The following SLC22A24 variants were observed in gnomAD, a reference collection of about 807,000 sequenced individuals.
SLC22A24 encodes steroid transmembrane transporter SLC22A24.
In SLC22A24, 53 loss-of-function variants were observed where a neutral mutation model predicts 49.8. That is an observed-to-expected ratio of 1.06 (90% confidence interval 0.85 to 1.34). The LOEUF (loss-of-function observed/expected upper bound fraction) is 1.34. SLC22A24 is among the 40% of genes most tolerant of loss of function. The pLI is 0.00. For synonymous variants in SLC22A24, 302 were observed against 256.4 expected (o/e 1.18, Z -1.70); for missense variants, 786 against 675.9 (o/e 1.16, Z -1.81).
chr11:63,093,961 C>T (rs895964028), intron 6 of SLC22A24, among the ~76,000 whole-genome samples: 1 of 136,650 alleles, frequency 7.3e-6, no homozygotes, highest in Non-Finnish European at 1.6e-5. Flanking sequence ...TATGGAACAA[C>T]CAAAATTCTT....
intron 4 of SLC22A24, among the ~76,000 whole-genome samples, chr11:63,113,845 C>A (rs1251718766): frequency 2.1e-5 from 3 of 140,888 alleles, no homozygotes. Flanking sequence ...CAGCGTGAGA[C>A]TCCATCTCAA....
chr11:63,128,481 G>C (rs902355972), intron 2 of SLC22A24, among the ~76,000 whole-genome samples: 1 of 152,126 alleles, frequency 6.6e-6, no homozygotes, highest in East Asian at 1.9e-4. Context: ...ACATCAGTCA[G>C]GCCCACCTGC....
intron 2 of SLC22A24, among the ~76,000 whole-genome samples, chr11:63,133,124 C>A (rs576994921): frequency 6.0e-4 from 92 of 152,310 alleles, no homozygotes; most frequent in Admixed American, 2.4e-3. Flanking sequence ...CCGAGCCAGG[C>A]ATGCGAGGGA....
chr11:63,117,360 AGTTAG>A (rs1211529039), intron 4 of SLC22A24, among the ~76,000 whole-genome samples: 1 of 152,160 alleles, frequency 6.6e-6, no homozygotes, highest in Non-Finnish European at 1.5e-5. Flanking sequence ...TCAGCTATTA[AGTTAG>A]TTGTCTGCAA....
At chr11:63,093,941 A>G (rs181479280) in intron 6 of SLC22A24, among the ~76,000 whole-genome samples, 1 of 151,808 alleles carries the variant, frequency 6.6e-6, no homozygotes, top group Admixed American at 6.6e-5. Flanking sequence ...AATAAGTCAT[A>G]TTGGCAAAAT....
At chr11:63,096,912 G>T (rs180725574) in intron 5 of SLC22A24, among the ~76,000 whole-genome samples, 79 of 152,050 alleles carry the variant, frequency 5.2e-4, no homozygotes, top group African/African-American at 1.8e-3. Context: ...TGAATTTAGC[G>T]TTTCTTTCAT....
At chr11:63,111,746 C>G (rs1200101223) in intron 4 of SLC22A24, among the ~76,000 whole-genome samples, 1 of 151,934 alleles carries the variant, frequency 6.6e-6, no homozygotes, top group Non-Finnish European at 1.5e-5. Context: ...CTCTTTTTTT[C>G]TGTATTAGAC....
chr11:63,110,861 C>T (rs943698396), intron 4 of SLC22A24, among the ~76,000 whole-genome samples: 14 of 147,084 alleles, frequency 9.5e-5, no homozygotes, highest in Non-Finnish European at 1.5e-4. Context: ...GCCTAATTGC[C>T]CTGGCCAGAA....
chr11:63,095,489 A>G (rs1372051220), intron 6 of SLC22A24, among the ~76,000 whole-genome samples: 7 of 152,204 alleles, frequency 4.6e-5, no homozygotes, highest in Admixed American at 4.6e-4. Flanking sequence ...ATTAAATTCA[A>G]GAACCAGCAA....
rs571829259 is a variant in SLC22A24 at position 63,093,960 on chromosome 11, A to G, written c.1070+2031T>C. 2.6e-4 allele frequency among the ~76,000 whole-genome samples: 37 copies of G among 140,248 alleles called. No homozygotes were observed. In the South Asian group the frequency reaches 9.2e-3, roughly 35 times the overall value. 92.0% of individuals were successfully genotyped at this position (140,248 alleles called of 152,430 possible). ...AGTCATATTGGCAAAATATGGAACA[A>G]CCAAAATTCTTTTTTTCCTGTATTT... On this transcript the variant is annotated intron_variant, in intron 6 of 9. Coordinates refer to ENST00000612278, the MANE Select transcript of SLC22A24 (RefSeq NM_001136506.2).
chr11:63,109,963 G>T (rs1045526833), intron 4 of SLC22A24, among the ~76,000 whole-genome samples: 1 of 152,144 alleles, frequency 6.6e-6, no homozygotes, highest in Admixed American at 6.6e-5. Context: ...ATTTCTTCTA[G>T]GGTTTTTATG....
At position 63,111,581 on chromosome 11, in the gene SLC22A24, A is replaced by G. The variant is rs575208673; in HGVS notation, c.831-7283T>C. On this transcript the variant is annotated intron_variant, in intron 4 of 9. Coordinates refer to ENST00000612278, the MANE Select transcript of SLC22A24 (RefSeq NM_001136506.2). ...CTTCTTCCTGGTTTAGTCTTGGGAG[A>G]GTGTATGTGTCGAGGAATTTATCCA... Among the ~76,000 whole-genome samples the G allele has an allele frequency of 3.9e-3, 592 of 151,074 alleles. 4 individuals carry two copies. The highest frequency in any genetic ancestry group is 0.013 in the African/African-American group (543 of 41,188).
At chr11:63,131,996 C>G (rs1554963567) in intron 2 of SLC22A24, among the ~76,000 whole-genome samples, 1 of 152,056 alleles carries the variant, frequency 6.6e-6, no homozygotes. Flanking sequence ...TCTTTTTTCT[C>G]TAATCTTGTC....
intron 1 of SLC22A24, among the ~76,000 whole-genome samples, chr11:63,140,635 C>T (rs1366446859): frequency 6.6e-6 from 1 of 152,120 alleles, no homozygotes; most frequent in Non-Finnish European, 1.5e-5. Flanking sequence ...ATGTCCTAGG[C>T]TTCACCCCAG....
intron 5 of SLC22A24, among the ~76,000 whole-genome samples, chr11:63,099,993 G>T (rs1318609828): frequency 6.6e-6 from 1 of 152,030 alleles, no homozygotes; most frequent in Non-Finnish European, 1.5e-5. Context: ...AAAACTAAAA[G>T]TCTTATCCCT....
intron 4 of SLC22A24, among the ~76,000 whole-genome samples, chr11:63,116,667 T>A (rs886597251): frequency 2.6e-5 from 4 of 152,190 alleles, no homozygotes; most frequent in South Asian, 4.1e-4. Flanking sequence ...CCATTATTTT[T>A]AAAAATATAC....
intron 5 of SLC22A24, among the ~76,000 whole-genome samples, chr11:63,099,544 C>T (rs149328716): frequency 8.6e-4 from 130 of 151,712 alleles, no homozygotes; most frequent in African/African-American, 2.7e-3. Context: ...TGAAAAAATA[C>T]GGGAGGAGAA....
intron 4 of SLC22A24, among the ~76,000 whole-genome samples, chr11:63,113,385 C>G (rs2087188878): frequency 6.6e-6 from 1 of 151,654 alleles, no homozygotes; most frequent in African/African-American, 2.4e-5. Flanking sequence ...TTTGCAGTGG[C>G]TGGTACCGTT....
intron 4 of SLC22A24, among the ~76,000 whole-genome samples, chr11:63,106,751 C>A (rs187299861): frequency 7.2e-5 from 11 of 152,198 alleles, no homozygotes; most frequent in African/African-American, 2.6e-4. Context: ...CTGTTCATAT[C>A]CTTCACCCAC....
Sources: gnomAD v4.1 joint callset for allele counts (sites outside exome capture counted in the v4.1 genomes callset) on GRCh38, gnomAD v4.1.1 for gene constraint, MANE v1.5 for transcripts, NCBI Gene and HGNC (gene_info 2026-07-23, HGNC 2026-07-21) for gene names.